Variants in KCNAB1 observed in about 807,000 individuals in gnomAD.
KCNAB1 encodes the protein voltage-gated potassium channel subunit beta-1.
A neutral mutation model predicts 64.6 loss-of-function variants in KCNAB1; 35 were observed. The observed-to-expected ratio is 0.54, with a 90% CI of 0.41 to 0.72. KCNAB1 has a LOEUF of 0.72. Ranked by LOEUF, KCNAB1 falls within the 30% of genes least tolerant of loss-of-function variation. KCNAB1 has a pLI of 0.00. For synonymous variants in KCNAB1, 177 were observed against 183.8 expected, an observed-to-expected ratio of 0.96 and a Z score of 0.30; for missense variants, 401 against 512.9, an observed-to-expected ratio of 0.78 and a Z score of 2.11.
chr3:156,356,054 C>T (rs1205028194), intron 1 of KCNAB1, among the ~76,000 whole-genome samples: 3 of 146,168 alleles, frequency 2.1e-5, no homozygotes, highest in East Asian at 2.0e-4. Flanking sequence ...CCTGGGAGGT[C>T]GAGGCTACAG....
intron 1 of KCNAB1, among the ~76,000 whole-genome samples, chr3:156,408,896 A>G (rs1431066502): frequency 6.6e-6 from 1 of 152,214 alleles, no homozygotes; most frequent in Non-Finnish European, 1.5e-5. Context: ...GATTGGTTGT[A>G]CTTTTCCATT....
chr3:156,493,713 T>A (rs1715805122), intron 8 of KCNAB1, among the ~76,000 whole-genome samples: 2 of 152,160 alleles, frequency 1.3e-5, no homozygotes, highest in Admixed American at 6.6e-5. Context: ...CTGGATCAGC[T>A]CTTCAGGCTT....
At chr3:156,392,931 C>T (rs751113013) in intron 1 of KCNAB1, among the ~76,000 whole-genome samples, 2 of 152,144 alleles carry the variant, frequency 1.3e-5, no homozygotes, top group African/African-American at 4.8e-5. Flanking sequence ...CTCATAGTTT[C>T]TTTGTCTAGT....
chr3:156,491,069 A>C (rs1484945436), intron 8 of KCNAB1, among the ~76,000 whole-genome samples: 1 of 152,156 alleles, frequency 6.6e-6, no homozygotes, highest in East Asian at 1.9e-4. Context: ...ATGATGGGCA[A>C]ACTACAAACC....
chr3:156,213,063 A>G (rs1234916853), intron 1 of KCNAB1, among the ~76,000 whole-genome samples: 1 of 152,102 alleles, frequency 6.6e-6, no homozygotes, highest in East Asian at 1.9e-4. Flanking sequence ...GCCAGATGGA[A>G]CAGCTCGCTT....
At position 156,538,426 on chromosome 3, in the gene KCNAB1, T is replaced by A. The variant is rs894973135; in HGVS notation, c.*1679T>A. The A allele has an allele frequency of 1.3e-5, 2 of 152,232 alleles. No individual in the cohort carries two copies. The highest frequency in any genetic ancestry group is 2.4e-5 in the African/African-American group (1 of 41,462). 9.4% of individuals were successfully genotyped at this position (152,232 alleles called of 1,614,324 possible). A position where few individuals can be genotyped will look rare whatever the true frequency, so the allele number is the denominator to read the frequency against. ...TAGTACCTGTATTCTAACAGAGAGT[T>A]TGAATTTTTTGCCCGTGTTATCAGA... On this transcript the variant is annotated 3_prime_UTR_variant, in exon 14 of 14. Transcript: ENST00000490337.
At chr3:156,492,293 A>G (rs1715686885) in intron 8 of KCNAB1, among the ~76,000 whole-genome samples, 1 of 152,156 alleles carries the variant, frequency 6.6e-6, no homozygotes, top group Non-Finnish European at 1.5e-5. Flanking sequence ...ACTTCTTTTA[A>G]TTGCTCATTC....
At chr3:156,511,305 G>A (rs960128230) in intron 8 of KCNAB1, among the ~76,000 whole-genome samples, 11 of 151,940 alleles carry the variant, frequency 7.2e-5, no homozygotes, top group African/African-American at 2.4e-4. Context: ...GGGTTTCACC[G>A]TGTTAGCCAG....
chr3:156,358,780 A>G (rs570577238), intron 1 of KCNAB1, among the ~76,000 whole-genome samples: 1 of 152,078 alleles, frequency 6.6e-6, no homozygotes, highest in South Asian at 2.1e-4. Flanking sequence ...CACTTTCCCT[A>G]TCAGTGAAAC....
chr3:156,394,452 A>G (rs1246738210), intron 1 of KCNAB1, among the ~76,000 whole-genome samples: 1 of 152,186 alleles, frequency 6.6e-6, no homozygotes, highest in South Asian at 2.1e-4. Flanking sequence ...CTATCACACA[A>G]TGTTGACTCT....
chr3:156,455,889 G>T (rs144585779), intron 3 of KCNAB1: 1 of 152,144 alleles, frequency 6.6e-6, no homozygotes, highest in Non-Finnish European at 1.5e-5. Flanking sequence ...AGAAGTCTCC[G>T]GCAAACTTCT....
At chr3:156,209,704 G>A (rs1267826365) in intron 1 of KCNAB1, among the ~76,000 whole-genome samples, 3 of 152,248 alleles carry the variant, frequency 2.0e-5, no homozygotes, top group Non-Finnish European at 2.9e-5. Flanking sequence ...AAGGAAGTAT[G>A]TTGTGTGGGG....
chr3:156,364,664 G>C (rs1186096752), intron 1 of KCNAB1, among the ~76,000 whole-genome samples: 1 of 152,106 alleles, frequency 6.6e-6, no homozygotes, highest in Non-Finnish European at 1.5e-5. Flanking sequence ...TGTAATCCAA[G>C]CTACTCGGGA....
intron 1 of KCNAB1, among the ~76,000 whole-genome samples, chr3:156,239,093 A>C (rs896168409): frequency 1.4e-4 from 21 of 152,220 alleles, no homozygotes; most frequent in Admixed American, 9.8e-4. Context: ...AAATTTGAAG[A>C]ATTTTATTTA....
intron 1 of KCNAB1, among the ~76,000 whole-genome samples, chr3:156,410,874 T>A (rs1292624563): frequency 2.0e-5 from 3 of 152,240 alleles, no homozygotes; most frequent in South Asian, 4.1e-4. Context: ...TTTCAACCTC[T>A]GGTGTTTGTG....
At chr3:156,136,649 C>T (rs1032818781) in intron 1 of KCNAB1, among the ~76,000 whole-genome samples, 2 of 152,320 alleles carry the variant, frequency 1.3e-5, no homozygotes, top group East Asian at 3.9e-4. Context: ...CTTTCGACGC[C>T]GCTCACCTAC....
chr3:156,163,797 A>ATCTTGTTAATTCATTACCCTT (rs1303295258), intron 1 of KCNAB1, among the ~76,000 whole-genome samples: 5 of 152,316 alleles, frequency 3.3e-5, no homozygotes, highest in Non-Finnish European at 7.3e-5. Flanking sequence ...GTCAACTTTT[A>ATCTTGTTAATTCATTACCCTT]TCTTGTTAAT....
chr3:156,393,299 G>T (rs1483616980), intron 1 of KCNAB1, among the ~76,000 whole-genome samples: 1 of 152,136 alleles, frequency 6.6e-6, no homozygotes, highest in South Asian at 2.1e-4. Context: ...GATCTCCTTG[G>T]AGTTTTTACC....
chr3:156,301,980 C>A (rs1262847625), intron 1 of KCNAB1, among the ~76,000 whole-genome samples: 1 of 152,196 alleles, frequency 6.6e-6, no homozygotes. Context: ...TAAACTAACA[C>A]AGATGTATTA....
Sources: gnomAD v4.1 joint callset for allele counts (sites outside exome capture counted in the v4.1 genomes callset) on GRCh38, gnomAD v4.1.1 for gene constraint, MANE v1.5 for transcripts, NCBI Gene and HGNC (gene_info 2026-07-23, HGNC 2026-07-21) for gene names.